DPYD: variants seen among roughly 807,000 people sequenced by gnomAD.
DPYD encodes the protein dihydropyrimidine dehydrogenase [NADP(+)].
Under a neutral mutation model 116.2 loss-of-function variants are expected in DPYD, and 109 were observed. The observed-to-expected ratio is 0.94, with a 90% CI of 0.80 to 1.10. The LOEUF (loss-of-function observed/expected upper bound fraction) is 1.10. DPYD is among the 50% of genes least tolerant of loss of function. DPYD has a pLI of 0.00. For synonymous variants in DPYD, 440 were observed against 432.0 expected, an observed-to-expected ratio of 1.02 and a Z score of -0.23; for missense variants, 1,302 against 1,254.5, an observed-to-expected ratio of 1.04 and a Z score of -0.57.
intron 16 of DPYD, among the ~76,000 whole-genome samples, chr1:97,329,412 GT>G (rs1668866810): frequency 1.3e-5 from 2 of 152,002 alleles, no homozygotes; most frequent in Non-Finnish European, 2.9e-5. Flanking sequence ...TTAAAGTGAT[GT>G]TTGATGAGCA....
chr1:97,402,386 A>G lies in DPYD; in HGVS notation c.1906-19925T>C, dbSNP rs548607839. ...ATTTCATTTGTTTTGATTCTAATGT[A>G]AATAATATTATGTTTCTTTTAACTT... On this transcript the variant is annotated intron_variant, in intron 14 of 22. Transcript: ENST00000370192. 8.5e-5 allele frequency among the ~76,000 whole-genome samples: 13 copies of G among 152,274 alleles called. No homozygotes were observed. The East Asian group carries it at 2.5e-3, about 29-fold the overall frequency.
chr1:97,381,256 T>G (rs371952428), intron 15 of DPYD, among the ~76,000 whole-genome samples: 4 of 152,168 alleles, frequency 2.6e-5, no homozygotes, highest in African/African-American at 9.7e-5. Context: ...TTAGGTTAGC[T>G]AGTTTGCTTA....
rs377151983 is a variant in DPYD, at chr1:97,823,666, G to A, written c.233+4448C>T. ...GTTGATCCATTTTCTTGCAAATGAC[G>A]GAAGCTTTTTTTTTTATTATTGGAA... is the stretch of plus-strand genomic sequence containing the variant. On this transcript the variant is annotated intron_variant, in intron 3 of 22. Coordinates refer to ENST00000370192, the MANE Select transcript of DPYD (RefSeq NM_000110.4). 9.2e-5 allele frequency among the ~76,000 whole-genome samples: 14 copies of A among 151,940 alleles called. No homozygotes were observed. In the South Asian group the frequency reaches 1.0e-3, roughly 11 times the overall value.
chr1:97,751,456 G>GTATA (rs1326157374), intron 3 of DPYD, among the ~76,000 whole-genome samples: 191 of 24,334 alleles, frequency 7.8e-3, no homozygotes, highest in African/African-American at 0.011. Context: ...GTGTGTGTGT[G>GTATA]TGTGTATATA....
intron 8 of DPYD, among the ~76,000 whole-genome samples, chr1:97,643,734 C>G (rs901637298): frequency 6.6e-6 from 1 of 152,222 alleles, no homozygotes; most frequent in African/African-American, 2.4e-5. Context: ...ACATATACAC[C>G]ATGGAATACT....
At chr1:97,209,088 C>T (rs1382536689) in intron 19 of DPYD, among the ~76,000 whole-genome samples, 1 of 151,914 alleles carries the variant, frequency 6.6e-6, no homozygotes, top group African/African-American at 2.4e-5. Flanking sequence ...CATATAAGAT[C>T]GAATTTTGAG....
chr1:97,133,091 T>C (rs1319103606), intron 20 of DPYD, among the ~76,000 whole-genome samples: 1 of 152,092 alleles, frequency 6.6e-6, no homozygotes, highest in African/African-American at 2.4e-5. Flanking sequence ...TTTAGATGTA[T>C]TTCTTGTTTT....
chr1:97,895,244 C>T (rs1672999388), intron 1 of DPYD, among the ~76,000 whole-genome samples: 1 of 151,600 alleles, frequency 6.6e-6, no homozygotes, highest in Non-Finnish European at 1.5e-5. Context: ...GTATAAAATA[C>T]TCTCATTTAC....
intron 12 of DPYD, among the ~76,000 whole-genome samples, chr1:97,528,601 C>CA (rs369957992): frequency 2.6e-5 from 4 of 152,046 alleles, no homozygotes; most frequent in Admixed American, 6.5e-5. Flanking sequence ...CCTCCTTCAA[C>CA]AAAAAATAAC....
At position 97,611,818 on chromosome 1, in the gene DPYD, T is replaced by C. The variant is rs189482775; in HGVS notation, c.851-16652A>G. Among the ~76,000 whole-genome samples, 624 of 152,174 alleles carry C rather than the reference T, an allele frequency of 4.1e-3. 2 individuals are homozygous for C. Among genetic ancestry groups the C allele is most frequent in the Non-Finnish European group, 5.7e-3 (389 of 67,980 alleles). On this transcript the variant is annotated intron_variant, in intron 8 of 22. Coordinates refer to ENST00000370192, the MANE Select transcript of DPYD (RefSeq NM_000110.4). ...GATTTTTTGTAATGATTAAATGAGA[T>C]AATATAAGCAAACCTAGAAGTAGTG...
chr1:97,844,026 T>A (rs981921627), intron 2 of DPYD, among the ~76,000 whole-genome samples: 1 of 152,054 alleles, frequency 6.6e-6, no homozygotes, highest in Non-Finnish European at 1.5e-5. Context: ...GAAATAAAGA[T>A]CTATTACAAA....
At chr1:97,705,131 C>CT (rs201299040) in intron 5 of DPYD, among the ~76,000 whole-genome samples, 15,255 of 146,902 alleles carry the variant, frequency 0.1, 818 homozygotes, top group Middle Eastern at 0.12. Flanking sequence ...AGCCTGAACT[C>CT]TTTTTTTTTT....
intron 2 of DPYD, among the ~76,000 whole-genome samples, chr1:97,864,227 CAG>C (rs1671259544): frequency 6.6e-6 from 1 of 151,838 alleles, no homozygotes; most frequent in South Asian, 2.1e-4. Flanking sequence ...AAGCCCTCAA[CAG>C]AGATTGATTA....
At chr1:97,235,823 AC>A (rs1205608502) in intron 18 of DPYD, among the ~76,000 whole-genome samples, 1 of 152,082 alleles carries the variant, frequency 6.6e-6, no homozygotes, top group East Asian at 1.9e-4. Context: ...TGTACTTCCC[AC>A]AATTTGAAAA....
At chr1:97,420,321 C>G (rs1010194593) in intron 14 of DPYD, among the ~76,000 whole-genome samples, 1 of 152,144 alleles carries the variant, frequency 6.6e-6, no homozygotes, top group African/African-American at 2.4e-5. Flanking sequence ...AAATTGAAGA[C>G]ATGGAGAACA....
At position 97,376,925 on chromosome 1, in the gene DPYD, A is replaced by G. The variant is rs1671669802; in HGVS notation, c.1975-3281T>C. ...TATGGTGTGGACTCTGAGCCAAACT[A>G]TAGGTTTGAATCCCACTTTTACTCC... On this transcript the variant is annotated intron_variant, in intron 15 of 22. Coordinates refer to ENST00000370192, the MANE Select transcript of DPYD (RefSeq NM_000110.4). 3.4e-5 allele frequency among the ~76,000 whole-genome samples: 5 copies of G among 149,006 alleles called. No homozygotes were observed. The South Asian group carries it at 1.1e-3, about 32-fold the overall frequency.
chr1:97,085,769 T>C (rs1049304088), intron 21 of DPYD, among the ~76,000 whole-genome samples: 33 of 152,178 alleles, frequency 2.2e-4, no homozygotes, highest in African/African-American at 7.7e-4. Context: ...CACACATCTG[T>C]GGAGATCAGG....
chr1:97,677,305 T>C (rs1028762538), intron 8 of DPYD, among the ~76,000 whole-genome samples: 7 of 152,180 alleles, frequency 4.6e-5, no homozygotes, highest in Non-Finnish European at 8.8e-5. Flanking sequence ...TATTAATAAT[T>C]GTATTAGTAT....
At chr1:97,679,280 C>A in intron 7 of DPYD, 98 bp from the exon 8 acceptor site, 1 of 632,442 alleles carries the variant, frequency 1.6e-6, no homozygotes, top group South Asian at 2.1e-5. Context: ...GCCAAAAATT[C>A]TATGAGATTC....
Sources: gnomAD v4.1 joint callset for allele counts (sites outside exome capture counted in the v4.1 genomes callset) on GRCh38, gnomAD v4.1.1 for gene constraint, MANE v1.5 for transcripts, NCBI Gene and HGNC (gene_info 2026-07-23, HGNC 2026-07-21) for gene names.